The following PPP1R12B variants were observed in gnomAD, a reference collection of about 807,000 sequenced individuals.
The protein encoded by PPP1R12B is protein phosphatase 1 regulatory subunit 12B.
Under a neutral mutation model 126.1 loss-of-function variants are expected in PPP1R12B, and 76 were observed. That is an observed-to-expected ratio of 0.60 (90% CI 0.50 to 0.73). The LOEUF (loss-of-function observed/expected upper bound fraction) is 0.73. Ranked by LOEUF, PPP1R12B falls within the 30% of genes least tolerant of loss-of-function variation. The probability of loss-of-function intolerance (pLI) is 0.00; values close to 1 mark genes in which losing one functional copy is unlikely to be tolerated. For missense variants in PPP1R12B, 1,052 were observed against 1,205.1 expected (o/e 0.87, Z 1.88); for synonymous variants, 356 against 434.7 (o/e 0.82, Z 2.25).
chr1:202,540,177 G>A (rs768639027), intron 18 of PPP1R12B: 7 of 1,610,602 alleles, frequency 4.3e-6, no homozygotes, highest in Admixed American at 1.7e-5. Context: ...GAATTCACTC[G>A]GAATAGGAAA....
chr1:202,431,844 G>T (rs923675289), intron 8 of PPP1R12B, among the ~76,000 whole-genome samples: 4 of 152,204 alleles, frequency 2.6e-5, no homozygotes, highest in Admixed American at 6.5e-5. Context: ...GGTGCACAAA[G>T]AATTCTTAGG....
chr1:202,410,279 T>C (rs534645013), intron 1 of PPP1R12B: 297 of 152,350 alleles, frequency 1.9e-3, no homozygotes, highest in African/African-American at 6.8e-3. Context: ...TTTCTTGATA[T>C]ACTCTCAACA....
intron 18 of PPP1R12B, among the ~76,000 whole-genome samples, chr1:202,504,144 C>T (rs1680552538): frequency 6.6e-6 from 1 of 152,112 alleles, no homozygotes; most frequent in Non-Finnish European, 1.5e-5. Context: ...CGTGTAATCC[C>T]AGCACTTTAG....
At chr1:202,499,971 C>A (rs1226633282) in intron 18 of PPP1R12B, among the ~76,000 whole-genome samples, 1 of 152,162 alleles carries the variant, frequency 6.6e-6, no homozygotes, top group Non-Finnish European at 1.5e-5. Flanking sequence ...CAAAAAATAA[C>A]AAAACCTGGT....
At chr1:202,553,244 G>A (rs190238970) in intron 18 of PPP1R12B, among the ~76,000 whole-genome samples, 2 of 152,278 alleles carry the variant, frequency 1.3e-5, no homozygotes, top group South Asian at 2.1e-4. Flanking sequence ...GCAGCTTTTA[G>A]TCTCTTCTTC....
At chr1:202,401,398 T>G (rs376561983) in intron 1 of PPP1R12B, among the ~76,000 whole-genome samples, 26 of 108,932 alleles carry the variant, frequency 2.4e-4, no homozygotes, top group African/African-American at 8.0e-4. Context: ...TTTGTAGAGA[T>G]AGATTCTTGC....
intron 18 of PPP1R12B, among the ~76,000 whole-genome samples, chr1:202,510,172 G>A (rs1196373217): frequency 2.6e-5 from 4 of 152,180 alleles, no homozygotes; most frequent in Non-Finnish European, 5.9e-5. Context: ...GGCAGTTTAT[G>A]TATCATTTCT....
intron 14 of PPP1R12B, among the ~76,000 whole-genome samples, chr1:202,492,655 GT>G (rs1158386395): frequency 6.6e-6 from 1 of 152,146 alleles, no homozygotes; most frequent in Non-Finnish European, 1.5e-5. Context: ...TTATGTTGTT[GT>G]TATTGTAGCC....
rs1424462748 is a variant in PPP1R12B, at chr1:202,540,343, A to C, written c.2491-18534A>C. 8.3e-6 allele frequency: 8 copies of C among 959,266 alleles called. No individual in the cohort carries two copies. In the East Asian group the frequency reaches 2.4e-4, roughly 29 times the overall value. 59.4% of individuals were successfully genotyped at this position (959,266 alleles called of 1,614,324 possible). On this transcript the variant is annotated intron_variant, in intron 18 of 23. Transcript: ENST00000608999. ...ATTAGGTTTAGAGCAAAGGGATTTC[A>C]GAGCATATGGGAATCAGTACAGGGA...
chr1:202,512,766 C>A (rs867273791), intron 18 of PPP1R12B, among the ~76,000 whole-genome samples: 53 of 152,218 alleles, frequency 3.5e-4, no homozygotes, highest in African/African-American at 1.2e-3. Flanking sequence ...CTCTAGAATT[C>A]TCTTCCTCTT....
intron 12 of PPP1R12B, among the ~76,000 whole-genome samples, chr1:202,445,546 G>A (rs1380649072): frequency 6.6e-6 from 1 of 152,070 alleles, no homozygotes; most frequent in Middle Eastern, 3.2e-3. Flanking sequence ...ATTAAATATT[G>A]AAAACATTTT....
At chr1:202,433,946 T>A (rs762483703) in intron 8 of PPP1R12B, among the ~76,000 whole-genome samples, 19 of 152,234 alleles carry the variant, frequency 1.2e-4, no homozygotes, top group Non-Finnish European at 7.3e-5. Context: ...ATTCATTAAA[T>A]GTTTTTTGTT....
chr1:202,372,464 T>C (rs1660455956), intron 1 of PPP1R12B, among the ~76,000 whole-genome samples: 1 of 151,820 alleles, frequency 6.6e-6, no homozygotes, highest in African/African-American at 2.4e-5. Context: ...AGATCAACAC[T>C]AAACTTCAGC....
chr1:202,427,246 G>A, intron 5 of PPP1R12B, 62 bp downstream of exon 5: 4 of 1,594,814 alleles, frequency 2.5e-6, no homozygotes, highest in Non-Finnish European at 3.4e-6. Flanking sequence ...TAGAATAAAA[G>A]GCTTAACATC....
intron 1 of PPP1R12B, among the ~76,000 whole-genome samples, chr1:202,389,035 A>C (rs1032943151): frequency 1.3e-5 from 2 of 152,210 alleles, no homozygotes; most frequent in African/African-American, 2.4e-5. Context: ...AATGGGGTAA[A>C]AATTGTGTTA....
chr1:202,374,115 T>C (rs1660748476), intron 1 of PPP1R12B, among the ~76,000 whole-genome samples: 2 of 152,208 alleles, frequency 1.3e-5, no homozygotes. Context: ...TTTTACATTT[T>C]CTCCTGAGCT....
intron 13 of PPP1R12B, among the ~76,000 whole-genome samples, chr1:202,487,592 A>G (rs1260046254): frequency 6.6e-6 from 1 of 151,578 alleles, no homozygotes; most frequent in Non-Finnish European, 1.5e-5. Context: ...TTATCCATGG[A>G]AGATACATTT....
chr1:202,492,317 G>A (rs896915826), intron 14 of PPP1R12B, among the ~76,000 whole-genome samples: 25 of 152,180 alleles, frequency 1.6e-4, no homozygotes, highest in African/African-American at 6.0e-4. Flanking sequence ...GAATGAGTAA[G>A]TAAATGAATT....
chr1:202,461,193 T>TA (rs992206751), intron 13 of PPP1R12B, among the ~76,000 whole-genome samples: 590 of 137,370 alleles, frequency 4.3e-3, no homozygotes, highest in African/African-American at 7.6e-3. Flanking sequence ...CCCATCTCTT[T>TA]AAAAAAAAAA....
Sources: allele counts gnomAD v4.1 joint callset (sites outside exome capture counted in the v4.1 genomes callset), GRCh38; gene constraint gnomAD v4.1.1; transcripts MANE v1.5; gene names NCBI Gene and HGNC (gene_info 2026-07-23, HGNC 2026-07-21).